PTPRE: variants seen among roughly 807,000 people sequenced by gnomAD.
The protein encoded by PTPRE is receptor-type tyrosine-protein phosphatase epsilon.
A neutral mutation model predicts 102.0 loss-of-function variants in PTPRE; 51 were observed. The ratio of observed to expected loss-of-function variants is 0.50; its 90% CI spans 0.40 to 0.63. PTPRE has a LOEUF of 0.63. PTPRE is among the 30% of genes least tolerant of loss of function. The pLI is 0.00. For synonymous variants in PTPRE, 345 were observed against 348.2 expected (o/e 0.99, Z 0.10); for missense variants, 752 against 915.1 (o/e 0.82, Z 2.30).
intron 6 of PTPRE, among the ~76,000 whole-genome samples, chr10:128,051,068 C>T (rs1848528931): frequency 6.6e-6 from 1 of 152,208 alleles, no homozygotes; most frequent in Non-Finnish European, 1.5e-5. Flanking sequence ...AATCTCTCAG[C>T]CTGACAACAG....
At chr10:128,060,283 C>T (rs1590181656) in intron 7 of PTPRE, among the ~76,000 whole-genome samples, 1 of 151,816 alleles carries the variant, frequency 6.6e-6, no homozygotes, top group Non-Finnish European at 1.5e-5. Context: ...ACCACACTCA[C>T]TACACACACA....
chr10:128,022,023 G>A (rs977055022), intron 2 of PTPRE, among the ~76,000 whole-genome samples: 6 of 152,166 alleles, frequency 3.9e-5, no homozygotes, highest in East Asian at 1.9e-4. Flanking sequence ...CCCTGGACGC[G>A]GTAATGGAAG....
intron 2 of PTPRE, among the ~76,000 whole-genome samples, chr10:127,995,752 C>A (rs1853185372): frequency 6.6e-6 from 1 of 152,058 alleles, no homozygotes; most frequent in Non-Finnish European, 1.5e-5. Context: ...GGAAAATTGT[C>A]AGGCCACAAA....
intron 2 of PTPRE, among the ~76,000 whole-genome samples, chr10:128,027,476 A>G (rs1015259347): frequency 1.3e-5 from 2 of 152,100 alleles, no homozygotes; most frequent in African/African-American, 4.8e-5. Flanking sequence ...CTGGCCAGGA[A>G]TGCCATTTCC....
intron 1 of PTPRE, among the ~76,000 whole-genome samples, chr10:127,952,732 C>T (rs1589818616): frequency 1.3e-5 from 2 of 152,284 alleles, no homozygotes; most frequent in South Asian, 4.1e-4. Flanking sequence ...GACACTCAAT[C>T]TTGCAAGACT....
At chr10:127,973,704 T>C (rs1017059816) in intron 1 of PTPRE, among the ~76,000 whole-genome samples, 8 of 152,134 alleles carry the variant, frequency 5.3e-5, no homozygotes, top group East Asian at 1.9e-4. Context: ...CTCAGGCTAA[T>C]ATATTTTCTT....
chr10:128,050,506 T>C (rs1165800179), intron 6 of PTPRE, among the ~76,000 whole-genome samples: 1 of 152,178 alleles, frequency 6.6e-6, no homozygotes, highest in Non-Finnish European at 1.5e-5. Flanking sequence ...GATAGAGAAG[T>C]AGACAAACAG....
intron 2 of PTPRE, among the ~76,000 whole-genome samples, chr10:128,024,530 T>A (rs1846155243): frequency 6.6e-6 from 1 of 152,240 alleles, no homozygotes; most frequent in Non-Finnish European, 1.5e-5. Flanking sequence ...GAGGACACTA[T>A]GCGTAATTGG....
chr10:128,076,982 C>T (rs1297750976), intron 18 of PTPRE, among the ~76,000 whole-genome samples: 1 of 152,180 alleles, frequency 6.6e-6, no homozygotes, highest in East Asian at 1.9e-4. Flanking sequence ...AGAGGAAGAA[C>T]AAAGGGGACT....
At chr10:127,940,076 G>A (rs1281999091) in intron 1 of PTPRE, among the ~76,000 whole-genome samples, 3 of 148,400 alleles carry the variant, frequency 2.0e-5, no homozygotes, top group Non-Finnish European at 4.5e-5. Context: ...GCAAGATGAG[G>A]TAAGAGGAGC....
intron 1 of PTPRE, among the ~76,000 whole-genome samples, chr10:127,914,174 G>A (rs538921890): frequency 6.6e-6 from 1 of 152,158 alleles, no homozygotes; most frequent in Non-Finnish European, 1.5e-5. Flanking sequence ...TCACTGTGTG[G>A]CATGCTGGCT....
At position 127,912,666 on chromosome 10, in the gene PTPRE, T is replaced by C. The variant is rs1212984514; in HGVS notation, c.-31+5357T>C. The stretch of plus-strand genomic sequence containing the variant: ...TCCCAGGTCTGGGTGCCAGCTACAC[T>C]ACATTTGATCCAATGGAAGGGCTAG... On this transcript the variant is annotated intron_variant, in intron 1 of 20. Transcript: ENST00000254667. Among the ~76,000 whole-genome samples, 3 of 152,250 alleles carry C rather than the reference T, an allele frequency of 2.0e-5. No homozygotes were observed. In the East Asian group the frequency reaches 5.8e-4, roughly 29 times the overall value.
intron 2 of PTPRE, chr10:127,999,999 G>A (rs1260338042): frequency 2.0e-6 from 2 of 978,962 alleles, no homozygotes; most frequent in African/African-American, 3.5e-5. Context: ...ACGCGGAAAG[G>A]GATCCCCAGA....
intron 6 of PTPRE, among the ~76,000 whole-genome samples, chr10:128,049,954 T>A (rs1848423023): frequency 6.6e-6 from 1 of 152,150 alleles, no homozygotes; most frequent in East Asian, 1.9e-4. Flanking sequence ...AGAAACACTG[T>A]TATCTCGATA....
intron 1 of PTPRE, among the ~76,000 whole-genome samples, chr10:127,954,568 A>G (rs1849266253): frequency 6.6e-6 from 1 of 152,170 alleles, no homozygotes; most frequent in South Asian, 2.1e-4. Flanking sequence ...TGCTCGTGGA[A>G]TTCACTAGTC....
At chr10:127,930,500 T>C (rs1395599475) in intron 1 of PTPRE, among the ~76,000 whole-genome samples, 1 of 152,260 alleles carries the variant, frequency 6.6e-6, no homozygotes, top group African/African-American at 2.4e-5. Flanking sequence ...TAGCGCAGTT[T>C]GTTTATCCAT....
intron 2 of PTPRE, among the ~76,000 whole-genome samples, chr10:128,036,515 A>T (rs1482152983): frequency 6.6e-6 from 1 of 152,094 alleles, no homozygotes; most frequent in East Asian, 1.9e-4. Context: ...AGTAACTGGG[A>T]GCTTATATTA....
At chr10:128,061,538 T>C in intron 8 of PTPRE, 141 bp from the exon 9 acceptor site, 2 of 1,044,850 alleles carry the variant, frequency 1.9e-6, no homozygotes, top group Non-Finnish European at 2.7e-6. Context: ...TGCTGGTGAG[T>C]TTTCTTTCCT....
chr10:127,935,111 C>G (rs894562074), intron 1 of PTPRE, among the ~76,000 whole-genome samples: 1 of 152,166 alleles, frequency 6.6e-6, no homozygotes, highest in Admixed American at 6.5e-5. Context: ...CACCAGGACG[C>G]GTGACTGACA....
Sources: allele counts gnomAD v4.1 joint callset (sites outside exome capture counted in the v4.1 genomes callset), GRCh38; gene constraint gnomAD v4.1.1; transcripts MANE v1.5; gene names NCBI Gene and HGNC (gene_info 2026-07-23, HGNC 2026-07-21).